HSPA12A: variants seen among roughly 807,000 people sequenced by gnomAD.
HSPA12A encodes the protein heat shock 70 kDa protein 12A.
A neutral mutation model predicts 69.2 loss-of-function variants in HSPA12A; 28 were observed. The ratio of observed to expected loss-of-function variants is 0.40; its 90% confidence interval spans 0.30 to 0.55. The LOEUF (loss-of-function observed/expected upper bound fraction) is 0.55. HSPA12A is among the 20% of genes least tolerant of loss of function. The pLI, the probability that HSPA12A is intolerant of heterozygous loss-of-function variation, is 0.38. For missense variants in HSPA12A, 686 were observed against 900.7 expected, an observed-to-expected ratio of 0.76 and a Z score of 3.05; for synonymous variants, 345 against 370.5, an observed-to-expected ratio of 0.93 and a Z score of 0.79.
chr10:116,686,841 C>T lies in HSPA12A; in HGVS notation c.664-2879G>A, dbSNP rs782521333. Among the ~76,000 whole-genome samples, 6 of 148,660 alleles carry T rather than the reference C, an allele frequency of 4.0e-5. No individual in the cohort carries two copies. Among genetic ancestry groups the T allele is most frequent in the Non-Finnish European group, 9.0e-5 (6 of 67,034 alleles). ...CCCCCACCCCTTCCCAAACCATAAG[C>T]TCCACCCCTCATCCCTCTTCCCACA... On this transcript the variant is annotated intron_variant, in intron 6 of 11. Coordinates refer to ENST00000369209, the MANE Select transcript of HSPA12A (RefSeq NM_025015.3). The surrounding 1 kb of genome is among the most constrained non-coding windows in gnomAD (Gnocchi z 4.1).
chr10:116,775,735 A>AG (rs1426180106), intron 2 of HSPA12A, among the ~76,000 whole-genome samples: 3 of 152,150 alleles, frequency 2.0e-5, no homozygotes, highest in African/African-American at 7.2e-5. Flanking sequence ...TGGGGACATC[A>AG]GGGCACAGAA....
At chr10:116,799,329 CT>C (rs2133165214) in intron 2 of HSPA12A, among the ~76,000 whole-genome samples, 1 of 152,200 alleles carries the variant, frequency 6.6e-6, no homozygotes, top group East Asian at 1.9e-4. Context: ...TAAACAGCTT[CT>C]TTGGTTTCTT....
chr10:116,692,290 C>T, intron 6 of HSPA12A, 61 bp downstream of exon 6: 1 of 1,352,040 alleles, frequency 7.4e-7, no homozygotes, highest in Admixed American at 1.7e-5. Context: ...GCTACAGTCA[C>T]CACCCTGGAC....
At chr10:116,714,701 T>C (rs1213290006) in intron 1 of HSPA12A, among the ~76,000 whole-genome samples, 3 of 152,196 alleles carry the variant, frequency 2.0e-5, no homozygotes, top group African/African-American at 7.2e-5. Flanking sequence ...TCCAGCACAC[T>C]ACTGACCCCA....
At chr10:116,796,210 A>G (rs547192588) in intron 2 of HSPA12A, among the ~76,000 whole-genome samples, 1 of 152,100 alleles carries the variant, frequency 6.6e-6, no homozygotes, top group African/African-American at 2.4e-5. Context: ...AATATAAAAT[A>G]ATACTTCATG....
intron 2 of HSPA12A, among the ~76,000 whole-genome samples, chr10:116,753,759 G>A (rs1022126610): frequency 1.3e-5 from 2 of 152,184 alleles, no homozygotes; most frequent in African/African-American, 2.4e-5. Flanking sequence ...ATGGGTCTAC[G>A]TCCTCTTTCT....
intron 6 of HSPA12A, among the ~76,000 whole-genome samples, chr10:116,688,170 G>A (rs531611046): frequency 4.6e-5 from 7 of 152,244 alleles, no homozygotes; most frequent in East Asian, 1.9e-4. Context: ...TAACAGCAAC[G>A]CTCAGTTCTT....
intron 2 of HSPA12A, among the ~76,000 whole-genome samples, chr10:116,760,658 C>CA (rs1354666305): frequency 6.6e-6 from 1 of 152,206 alleles, no homozygotes; most frequent in Non-Finnish European, 1.5e-5. Context: ...CTCAACACCT[C>CA]AGTTTTCTTT....
At chr10:116,827,000 C>G (rs970915255) in intron 2 of HSPA12A, among the ~76,000 whole-genome samples, 1 of 152,108 alleles carries the variant, frequency 6.6e-6, no homozygotes, top group African/African-American at 2.4e-5. Context: ...GTGGCAAGCC[C>G]GATTCAGATC....
At chr10:116,711,056 T>C (rs1260367773) in intron 1 of HSPA12A, among the ~76,000 whole-genome samples, 1 of 152,206 alleles carries the variant, frequency 6.6e-6, no homozygotes. Context: ...ATCTGACAGA[T>C]ATAAGCTAAT....
At chr10:116,722,536 C>T (rs577111824) in intron 1 of HSPA12A, among the ~76,000 whole-genome samples, 160 of 152,232 alleles carry the variant, frequency 1.1e-3, no homozygotes, top group African/African-American at 3.5e-3. Flanking sequence ...AACAGGAAGA[C>T]GGGTGGTATG....
chr10:116,791,791 T>C (rs1844706540), intron 2 of HSPA12A, among the ~76,000 whole-genome samples: 1 of 151,914 alleles, frequency 6.6e-6, no homozygotes, highest in South Asian at 2.1e-4. Flanking sequence ...CGAGTTCACC[T>C]CTCCTCTTCC....
intron 1 of HSPA12A, among the ~76,000 whole-genome samples, chr10:116,719,540 T>A (rs1182939029): frequency 2.6e-5 from 4 of 152,236 alleles, no homozygotes; most frequent in African/African-American, 9.6e-5. Context: ...AGGTTTTCCA[T>A]GCTTTGCAAC....
At chr10:116,762,369 G>A (rs980591853) in intron 2 of HSPA12A, among the ~76,000 whole-genome samples, 1 of 151,836 alleles carries the variant, frequency 6.6e-6, no homozygotes, top group Non-Finnish European at 1.5e-5. Context: ...TTCTTTTTTT[G>A]TAAAATACAT....
intron 2 of HSPA12A, among the ~76,000 whole-genome samples, chr10:116,799,858 C>T (rs1844917938): frequency 6.6e-6 from 1 of 152,218 alleles, no homozygotes; most frequent in Admixed American, 6.5e-5. Flanking sequence ...ACTCATAGGC[C>T]AGGCCCTGTT....
intron 2 of HSPA12A, among the ~76,000 whole-genome samples, chr10:116,826,347 C>G (rs1043913915): frequency 1.1e-4 from 16 of 152,198 alleles, no homozygotes; most frequent in Non-Finnish European, 2.1e-4. Flanking sequence ...CTCACCAGAA[C>G]TTATCAATGT....
intron 5 of HSPA12A, 30 bp from the exon 6 acceptor site, chr10:116,692,497 T>A (rs1849765510): frequency 6.4e-7 from 1 of 1,556,912 alleles, no homozygotes; most frequent in Non-Finnish European, 8.9e-7. Context: ...ATGCAACAGG[T>A]CAAGTGGCAG....
Position 116,707,295 on chromosome 10 carries a change from A to G in HSPA12A, c.41-10T>C. The G allele has an allele frequency of 1.2e-6, 2 of 1,606,658 alleles. No individual in the cohort carries two copies. The highest frequency in any genetic ancestry group is 2.2e-5 in the South Asian group (2 of 89,526). On this transcript the variant is annotated splice_polypyrimidine_tract_variant and intron_variant, in intron 1 of 11. Transcript: ENST00000369209. ...GATGTGGGAGCCGTTTCTGAAAGGA[A>G]AAACAAAGCCGCCTCCTTAGAAGTG...
chr10:116,701,819 A>G (rs1337269214), intron 3 of HSPA12A, among the ~76,000 whole-genome samples: 3 of 152,192 alleles, frequency 2.0e-5, no homozygotes, highest in African/African-American at 7.2e-5. Context: ...AGCAGCTGGA[A>G]TCAGGCTGAG....
Sources: gnomAD v4.1 joint callset for allele counts (sites outside exome capture counted in the v4.1 genomes callset) on GRCh38, gnomAD v4.1.1 for gene constraint, Gnocchi (gnomAD v3.1) non-coding constraint, MANE v1.5 for transcripts, NCBI Gene and HGNC (gene_info 2026-07-23, HGNC 2026-07-21) for gene names.